Variants in CAST observed in about 807,000 individuals in gnomAD.
The protein encoded by CAST is MIR583 host.
Under a neutral mutation model 119.6 loss-of-function variants are expected in CAST, and 76 were observed. The ratio of observed to expected loss-of-function variants is 0.64; its 90% CI spans 0.53 to 0.77. The LOEUF (loss-of-function observed/expected upper bound fraction) is 0.77, where lower values mean the gene tolerates loss of function less well. Ranked by LOEUF, CAST falls within the 30% of genes least tolerant of loss-of-function variation. CAST has a pLI of 0.00. For synonymous variants in CAST, 319 were observed against 331.6 expected (o/e 0.96, Z 0.41); for missense variants, 953 against 946.5 (o/e 1.01, Z -0.09).
At chr5:96,236,169 C>T in the CAST span, among the ~76,000 whole-genome samples, 1 of 152,092 alleles carries the variant, frequency 6.6e-6, no homozygotes, top group Non-Finnish European at 1.5e-5. Context: ...ACCTATCTAT[C>T]TGTGGCTATT....
chr5:96,178,526 AAAG>A, the CAST span, among the ~76,000 whole-genome samples: 4 of 152,234 alleles, frequency 2.6e-5, no homozygotes, highest in Non-Finnish European at 5.9e-5. Context: ...GAAGAAAAAA[AAAG>A]AAGCCTTTCC....
the CAST span, among the ~76,000 whole-genome samples, chr5:96,320,853 A>G: frequency 6.6e-6 from 1 of 152,146 alleles, no homozygotes; most frequent in Non-Finnish European, 1.5e-5. Context: ...TCTGCCATCT[A>G]AGACTTAAAA....
the CAST span, among the ~76,000 whole-genome samples, chr5:96,365,431 G>T: frequency 6.6e-6 from 1 of 152,146 alleles, no homozygotes; most frequent in Non-Finnish European, 1.5e-5. Context: ...GCATGTTAAA[G>T]TCTCCCATTA....
chr5:96,498,620 T>G, the CAST span, among the ~76,000 whole-genome samples: 106 of 152,354 alleles, frequency 7.0e-4, no homozygotes, highest in Non-Finnish European at 9.6e-4. Context: ...TAATAAAATA[T>G]GTCAAGCAAT....
the CAST span, among the ~76,000 whole-genome samples, chr5:96,491,123 C>T: frequency 1.3e-5 from 2 of 152,016 alleles, no homozygotes; most frequent in African/African-American, 2.4e-5. Flanking sequence ...AGTATTCAAC[C>T]TCATTAGCCA....
At chr5:96,663,333 G>A (rs935282038) in intron 1 of CAST, among the ~76,000 whole-genome samples, 1 of 152,342 alleles carries the variant, frequency 6.6e-6, no homozygotes, top group East Asian at 1.9e-4. Flanking sequence ...GTTAGGCTCG[G>A]GGAGAGGCAG....
chr5:96,688,420 A>G (rs1021961169), intron 2 of CAST, among the ~76,000 whole-genome samples: 7 of 152,226 alleles, frequency 4.6e-5, no homozygotes, highest in Admixed American at 4.6e-4. Context: ...GTACATGATG[A>G]CTTACTTATA....
chr5:96,399,998 G>A, the CAST span: 1 of 1,614,184 alleles, frequency 6.2e-7, no homozygotes, highest in Non-Finnish European at 8.5e-7. Context: ...TTTCTTCTCA[G>A]GCACGCTCCT....
intron 1 of CAST, among the ~76,000 whole-genome samples, chr5:96,545,063 T>C (rs1745986003): frequency 6.6e-6 from 1 of 152,202 alleles, no homozygotes; most frequent in South Asian, 2.1e-4. Context: ...AAATACACCT[T>C]GGTAATTGTC....
chr5:96,395,400 CT>C, the CAST span, among the ~76,000 whole-genome samples: 4 of 152,190 alleles, frequency 2.6e-5, no homozygotes, highest in South Asian at 2.1e-4. Context: ...TAAACAACCT[CT>C]AGCATTAATA....
chr5:96,035,073 A>ATATATATATATTTAAG, the CAST span, among the ~76,000 whole-genome samples: 3 of 130,804 alleles, frequency 2.3e-5, no homozygotes, highest in African/African-American at 3.4e-5. Flanking sequence ...ATTTAAGTAT[A>ATATATATATATTTAAG]TATATATATA....
intron 1 of CAST, among the ~76,000 whole-genome samples, chr5:96,558,191 G>A (rs1402604015): frequency 2.0e-5 from 3 of 152,258 alleles, no homozygotes; most frequent in Non-Finnish European, 2.9e-5. Flanking sequence ...GAATCTCTGG[G>A]ACACATTCAA....
the CAST span, among the ~76,000 whole-genome samples, chr5:96,096,071 A>G: frequency 6.6e-6 from 1 of 152,174 alleles, no homozygotes; most frequent in Non-Finnish European, 1.5e-5. Context: ...ACCTAACCTC[A>G]TTATCAGTAA....
At chr5:96,665,512 G>A (rs1227273614) in intron 1 of CAST, among the ~76,000 whole-genome samples, 1 of 152,144 alleles carries the variant, frequency 6.6e-6, no homozygotes, top group East Asian at 1.9e-4. Context: ...TATAGCGCTA[G>A]ACCATGGACT....
intron 2 of CAST, among the ~76,000 whole-genome samples, chr5:96,691,221 G>T (rs1342396202): frequency 6.6e-6 from 1 of 152,140 alleles, no homozygotes; most frequent in Non-Finnish European, 1.5e-5. Flanking sequence ...AATGCAGTCT[G>T]TTGTTGAGTG....
intron 31 of CAST, 61 bp downstream of exon 31, chr5:96,771,763 T>A: frequency 2.8e-6 from 3 of 1,056,784 alleles, no homozygotes; most frequent in Admixed American, 3.7e-5. Flanking sequence ...TTATGTGTTA[T>A]AGATGAGAGA....
At chr5:95,970,464 G>A in the CAST span, among the ~76,000 whole-genome samples, 1 of 152,218 alleles carries the variant, frequency 6.6e-6, no homozygotes, top group Non-Finnish European at 1.5e-5. Flanking sequence ...TTTAATGAAA[G>A]ATCATTGCTT....
At chr5:96,224,869 T>A in the CAST span, among the ~76,000 whole-genome samples, 1 of 152,232 alleles carries the variant, frequency 6.6e-6, no homozygotes, top group Admixed American at 6.5e-5. Context: ...GACTTACACA[T>A]GAGTTTCAGG....
intron 3 of CAST, among the ~76,000 whole-genome samples, chr5:96,696,457 C>T (rs1753302900): frequency 6.6e-6 from 1 of 152,054 alleles, no homozygotes; most frequent in East Asian, 1.9e-4. Context: ...AATGCTGGGT[C>T]TTATAAACTC....
Sources: allele counts gnomAD v4.1 joint callset (sites outside exome capture counted in the v4.1 genomes callset), GRCh38; gene constraint gnomAD v4.1.1; transcripts MANE v1.5; gene names NCBI Gene and HGNC (gene_info 2026-07-23, HGNC 2026-07-21).